Variants in RIT2 observed in about 807,000 individuals in gnomAD.
RIT2 encodes Ras like without CAAX 2.
In RIT2, 24 loss-of-function variants were observed where a neutral mutation model predicts 23.7. The observed-to-expected ratio is 1.01, with a 90% CI of 0.73 to 1.43. RIT2 has a LOEUF of 1.43. Among genes scored for constraint, RIT2 ranks in the 40% most tolerant of loss-of-function variants. The pLI is 0.00. For synonymous variants in RIT2, 107 were observed against 91.1 expected, an observed-to-expected ratio of 1.17 and a Z score of -0.99; for missense variants, 236 against 266.9, an observed-to-expected ratio of 0.88 and a Z score of 0.81.
intron 4 of RIT2, among the ~76,000 whole-genome samples, chr18:42,880,940 T>G (rs1907876636): frequency 6.6e-6 from 1 of 151,922 alleles, no homozygotes; most frequent in Admixed American, 6.6e-5. Context: ...CCCAAGTAGC[T>G]GGGATTACAG....
At chr18:42,926,285 C>A (rs1428074730) in intron 3 of RIT2, among the ~76,000 whole-genome samples, 1 of 151,812 alleles carries the variant, frequency 6.6e-6, no homozygotes, top group African/African-American at 2.4e-5. Context: ...AGAATTGAAA[C>A]ATCATGTTCC....
chr18:42,847,293 A>G (rs952315994), intron 4 of RIT2, among the ~76,000 whole-genome samples: 1 of 152,134 alleles, frequency 6.6e-6, no homozygotes, highest in Non-Finnish European at 1.5e-5. Context: ...AAACAAAGAT[A>G]TCCTGACAAC....
chr18:42,950,899 CA>C (rs546311282), intron 3 of RIT2, among the ~76,000 whole-genome samples: 6,618 of 129,558 alleles, frequency 0.051, 160 homozygotes, highest in Middle Eastern at 0.078. Flanking sequence ...ATTAAAACAT[CA>C]AAAAAAAAAA....
At chr18:42,783,659 C>A (rs908217325) in intron 4 of RIT2, among the ~76,000 whole-genome samples, 2 of 151,970 alleles carry the variant, frequency 1.3e-5, no homozygotes, top group Non-Finnish European at 2.9e-5. Flanking sequence ...TTATATTAAG[C>A]GCTACTTAAT....
At chr18:43,098,783 C>G (rs535042617) in intron 1 of RIT2, among the ~76,000 whole-genome samples, 1 of 151,986 alleles carries the variant, frequency 6.6e-6, no homozygotes, top group African/African-American at 2.4e-5. Flanking sequence ...TTCAAAGATG[C>G]TGAGTGATAT....
intron 4 of RIT2, among the ~76,000 whole-genome samples, chr18:42,906,321 T>A (rs1215861842): frequency 6.6e-6 from 1 of 152,092 alleles, no homozygotes; most frequent in Non-Finnish European, 1.5e-5. Context: ...TCTCTCACAG[T>A]GTCTCATCTA....
At chr18:43,045,272 A>G (rs1912220106) in intron 1 of RIT2, among the ~76,000 whole-genome samples, 1 of 152,222 alleles carries the variant, frequency 6.6e-6, no homozygotes, top group Non-Finnish European at 1.5e-5. Context: ...TAGTAACTAC[A>G]GACAATTCCA....
chr18:42,842,076 G>A (rs972844676), intron 4 of RIT2, among the ~76,000 whole-genome samples: 1 of 152,200 alleles, frequency 6.6e-6, no homozygotes, highest in Non-Finnish European at 1.5e-5. Context: ...ATGTTTATTT[G>A]CTGTAGGCTG....
intron 4 of RIT2, among the ~76,000 whole-genome samples, chr18:42,846,498 G>C (rs1232221508): frequency 6.6e-6 from 1 of 151,902 alleles, no homozygotes; most frequent in African/African-American, 2.4e-5. Context: ...TATCACAGTG[G>C]AAAATTAGAG....
chr18:42,913,268 T>C (rs1189242830), intron 4 of RIT2, among the ~76,000 whole-genome samples: 3 of 145,702 alleles, frequency 2.1e-5, no homozygotes, highest in South Asian at 2.1e-4. Context: ...TGAAACAAAA[T>C]GATAGAATTT....
chr18:42,825,349 G>T (rs1219968291), intron 4 of RIT2, among the ~76,000 whole-genome samples: 1 of 151,710 alleles, frequency 6.6e-6, no homozygotes, highest in African/African-American at 2.4e-5. Context: ...CGGGAGATAG[G>T]ATCAGCCACA....
At chr18:43,065,837 T>C (rs563352439) in intron 1 of RIT2, among the ~76,000 whole-genome samples, 33 of 152,116 alleles carry the variant, frequency 2.2e-4, no homozygotes, top group African/African-American at 7.7e-4. Flanking sequence ...AAGGTAGAAG[T>C]GGTAGGTGGA....
intron 4 of RIT2, among the ~76,000 whole-genome samples, chr18:42,842,091 G>T (rs930284274): frequency 4.6e-5 from 7 of 152,208 alleles, no homozygotes; most frequent in Non-Finnish European, 8.8e-5. Context: ...AGGCTGATAT[G>T]CAACTAATTT....
chr18:42,813,511 C>T (rs1260096479), intron 4 of RIT2, among the ~76,000 whole-genome samples: 2 of 152,040 alleles, frequency 1.3e-5, no homozygotes, highest in Non-Finnish European at 2.9e-5. Context: ...CATGTCTAAA[C>T]TTATATTTGT....
intron 1 of RIT2, among the ~76,000 whole-genome samples, chr18:43,096,786 CA>C (rs34090239): frequency 2.0e-4 from 31 of 151,772 alleles, no homozygotes; most frequent in African/African-American, 7.2e-4. Context: ...AATTCATACT[CA>C]AAAAGTTATA....
At chr18:43,106,822 G>A (rs1913834054) in intron 1 of RIT2, among the ~76,000 whole-genome samples, 1 of 152,160 alleles carries the variant, frequency 6.6e-6, no homozygotes, top group Non-Finnish European at 1.5e-5. Context: ...CAGAAATGAT[G>A]GTCTGGCAGA....
At chr18:42,924,141 GA>G (rs754570657) in intron 3 of RIT2, among the ~76,000 whole-genome samples, 14 of 151,864 alleles carry the variant, frequency 9.2e-5, no homozygotes, top group East Asian at 1.9e-4. Context: ...AAACATTGAA[GA>G]AAAAAAATTG....
chr18:43,050,293 A>T (rs1912349091), intron 1 of RIT2, among the ~76,000 whole-genome samples: 1 of 151,998 alleles, frequency 6.6e-6, no homozygotes, highest in East Asian at 2.0e-4. Context: ...GGCCTCCCAA[A>T]GCACTAGGAT....
intron 4 of RIT2, among the ~76,000 whole-genome samples, chr18:42,906,037 C>CAT (rs1185537188): frequency 6.6e-4 from 29 of 43,916 alleles, no homozygotes; most frequent in South Asian, 2.1e-3. Flanking sequence ...TATATATATA[C>CAT]ATATATATAT....
Sources: allele counts gnomAD v4.1 joint callset (sites outside exome capture counted in the v4.1 genomes callset), GRCh38; gene constraint gnomAD v4.1.1; transcripts MANE v1.5; gene names NCBI Gene and HGNC (gene_info 2026-07-23, HGNC 2026-07-21).